AUTS2: variants seen among roughly 807,000 people sequenced by gnomAD.
AUTS2 encodes activator of transcription and developmental regulator AUTS2.
A neutral mutation model predicts 112.4 loss-of-function variants in AUTS2; 17 were observed. The observed-to-expected ratio is 0.15, with a 90% CI of 0.10 to 0.23. The LOEUF (loss-of-function observed/expected upper bound fraction) is 0.23. Ranked by LOEUF, AUTS2 falls within the 10% of genes least tolerant of loss-of-function variation. AUTS2 has a pLI of 1.00. For synonymous variants in AUTS2, 751 were observed against 702.7 expected (o/e 1.07, Z -1.09); for missense variants, 1,510 against 1,701.6 (o/e 0.89, Z 1.98).
intron 5 of AUTS2, among the ~76,000 whole-genome samples, chr7:70,686,889 G>C (rs73180302): frequency 0.015 from 2,246 of 152,280 alleles, 24 homozygotes; most frequent in Middle Eastern, 0.027. Flanking sequence ...ATCGAATTTA[G>C]CAGTGGGGAG....
At chr7:69,812,230 T>C (rs1790574702) in intron 1 of AUTS2, among the ~76,000 whole-genome samples, 1 of 152,076 alleles carries the variant, frequency 6.6e-6, no homozygotes, top group Admixed American at 6.5e-5. Context: ...ATAAAAGCCA[T>C]CTTTCCCCAA....
intron 2 of AUTS2, among the ~76,000 whole-genome samples, chr7:69,916,736 G>A (rs1321935084): frequency 6.6e-6 from 1 of 152,076 alleles, no homozygotes; most frequent in African/African-American, 2.4e-5. Flanking sequence ...TTTATCCTAT[G>A]TATTTCTTAT....
intron 4 of AUTS2, among the ~76,000 whole-genome samples, chr7:70,299,008 G>A (rs1789075514): frequency 6.6e-6 from 1 of 152,146 alleles, no homozygotes; most frequent in Non-Finnish European, 1.5e-5. Context: ...AACCATTAAG[G>A]CAATTAAGCA....
intron 4 of AUTS2, among the ~76,000 whole-genome samples, chr7:70,214,401 A>G (rs922886495): frequency 3.9e-5 from 6 of 152,082 alleles, no homozygotes; most frequent in African/African-American, 1.2e-4. Flanking sequence ...CATTTTATAT[A>G]ATTTTTAATT....
chr7:70,766,300 C>A lies in AUTS2; in HGVS notation c.1655C>A (p.Pro552His). 1 of 1,614,160 alleles carries A rather than the reference C, an allele frequency of 6.2e-7. No homozygotes were observed. The highest frequency in any genetic ancestry group is 8.5e-7 in the Non-Finnish European group (1 of 1,180,034). The change falls in exon 9 of 19, where the codon CCC (proline) becomes CAC (histidine). Residue 552 changes from proline to histidine, a missense_variant. Pro to His is a moderately conservative substitution (Grantham distance 77). Around this residue, in one of 3 missense-constraint regions of AUTS2, gnomAD observed 187 missense variants for 309.7 expected, o/e 0.60. Coordinates refer to ENST00000342771, the MANE Select transcript of AUTS2 (RefSeq NM_015570.4). This position sits in a 1 kb window ranked among gnomAD's most constrained non-coding sequence, Gnocchi z 4.8. ...TFTPFPHAIP[P>H]TAIMPTPAPP... is the part of the protein sequence containing the mutation. ...ACGCCGTTCCCCCACGCCATCCCAC[C>A]CACCGCCATCATGCCGACGCCAGCA...
intron 1 of AUTS2, among the ~76,000 whole-genome samples, chr7:69,754,892 A>C (rs940137940): frequency 6.6e-6 from 1 of 152,178 alleles, no homozygotes; most frequent in Non-Finnish European, 1.5e-5. Flanking sequence ...ACCTGATTAC[A>C]TCCAACTCCA....
intron 2 of AUTS2, among the ~76,000 whole-genome samples, chr7:70,038,393 G>A (rs527508165): frequency 2.6e-5 from 4 of 152,178 alleles, no homozygotes; most frequent in South Asian, 2.1e-4. Context: ...CTGCCCACAC[G>A]GTTTCAAAAC....
At chr7:69,745,626 T>C (rs1194777166) in intron 1 of AUTS2, among the ~76,000 whole-genome samples, 2 of 152,182 alleles carry the variant, frequency 1.3e-5, no homozygotes, top group African/African-American at 2.4e-5. Context: ...AAATTTAATA[T>C]CTTGCTGCAG....
chr7:69,888,369 G>T (rs1218824472), intron 1 of AUTS2, among the ~76,000 whole-genome samples: 1 of 150,976 alleles, frequency 6.6e-6, no homozygotes. Flanking sequence ...ACAAGAGGAT[G>T]GGGGGAGGTA....
At chr7:70,288,271 G>T (rs986954310) in intron 4 of AUTS2, among the ~76,000 whole-genome samples, 1 of 152,014 alleles carries the variant, frequency 6.6e-6, no homozygotes, top group African/African-American at 2.4e-5. Context: ...GCATGGTGGC[G>T]GGTGCCTGTA....
chr7:69,790,067 G>T (rs1222274617), intron 1 of AUTS2, among the ~76,000 whole-genome samples: 1 of 151,972 alleles, frequency 6.6e-6, no homozygotes, highest in East Asian at 1.9e-4. Flanking sequence ...GATTGCTTGA[G>T]CTCAGGAGTT....
intron 5 of AUTS2, among the ~76,000 whole-genome samples, chr7:70,655,138 C>T (rs1374523471): frequency 6.6e-6 from 1 of 152,192 alleles, no homozygotes; most frequent in Non-Finnish European, 1.5e-5. Context: ...ACATCCCACA[C>T]TGTAGAGTTA....
chr7:69,764,145 C>G (rs1054322980), intron 1 of AUTS2, among the ~76,000 whole-genome samples: 4 of 152,144 alleles, frequency 2.6e-5, no homozygotes, highest in African/African-American at 9.7e-5. Context: ...GCTGTGGACT[C>G]GATTCCATTC....
At chr7:69,695,165 A>G (rs1460416606) in intron 1 of AUTS2, among the ~76,000 whole-genome samples, 1 of 151,948 alleles carries the variant, frequency 6.6e-6, no homozygotes, top group Admixed American at 6.6e-5. Flanking sequence ...TCTACAAAAA[A>G]AGAAAAAAGA....
chr7:69,613,579 A>G (rs1793157551), intron 1 of AUTS2, among the ~76,000 whole-genome samples: 1 of 152,100 alleles, frequency 6.6e-6, no homozygotes, highest in East Asian at 1.9e-4. Flanking sequence ...CATTTATCTC[A>G]CTGAATTCTA....
intron 4 of AUTS2, among the ~76,000 whole-genome samples, chr7:70,419,586 TAAAC>T (rs1209579039): frequency 1.3e-5 from 2 of 152,252 alleles, no homozygotes; most frequent in Admixed American, 1.3e-4. Flanking sequence ...ATGAAATTTT[TAAAC>T]AAATTATTAT....
chr7:69,662,961 G>A (rs1795873715), intron 1 of AUTS2, among the ~76,000 whole-genome samples: 1 of 152,136 alleles, frequency 6.6e-6, no homozygotes, highest in Non-Finnish European at 1.5e-5. Context: ...AAATAGATCA[G>A]ACCAGAAGAA....
intron 1 of AUTS2, among the ~76,000 whole-genome samples, chr7:69,666,545 G>A (rs974283991): frequency 5.3e-5 from 8 of 152,146 alleles, no homozygotes; most frequent in African/African-American, 1.9e-4. Context: ...TTGGAAAATA[G>A]GCACTGGCAT....
intron 5 of AUTS2, among the ~76,000 whole-genome samples, chr7:70,475,899 G>T (rs1797564333): frequency 6.6e-6 from 1 of 152,052 alleles, no homozygotes; most frequent in Admixed American, 6.6e-5. Flanking sequence ...TATGGTGGTG[G>T]GTGCCTGTAG....
Sources: gnomAD v4.1 joint callset for allele counts (sites outside exome capture counted in the v4.1 genomes callset) on GRCh38, gnomAD v4.1.1 for gene constraint, gnomAD v4.1.1 regional missense constraint, Gnocchi (gnomAD v3.1) non-coding constraint, MANE v1.5 for transcripts, NCBI Gene and HGNC (gene_info 2026-07-23, HGNC 2026-07-21) for gene names.